Variants in DNAH11 observed in about 807,000 individuals in gnomAD.
DNAH11 encodes axonemal beta dynein heavy chain 11.
In DNAH11, 442 loss-of-function variants were observed where a neutral mutation model predicts 526.0. That is an observed-to-expected ratio of 0.84 (90% confidence interval 0.78 to 0.91). DNAH11 has a LOEUF of 0.91. Among genes scored for constraint, DNAH11 ranks in the 40% least tolerant of loss-of-function variants. The probability of loss-of-function intolerance (pLI) is 0.00; values close to 1 mark genes in which losing one functional copy is unlikely to be tolerated. For synonymous variants in DNAH11, 2,461 were observed against 1,935.9 expected (o/e 1.27, Z -7.12); for missense variants, 6,989 against 5,448.7 (o/e 1.28, Z -8.90).
At chr7:21,827,425 T>A (rs185306495) in intron 65 of DNAH11, among the ~76,000 whole-genome samples, 1,739 of 151,806 alleles carry the variant, frequency 0.011, 33 homozygotes, top group African/African-American at 0.038. Flanking sequence ...TTGAATTTTT[T>A]AAAATATTAT....
intron 52 of DNAH11, among the ~76,000 whole-genome samples, chr7:21,749,010 A>C (rs1786284462): frequency 6.6e-6 from 1 of 152,220 alleles, no homozygotes; most frequent in African/African-American, 2.4e-5. Flanking sequence ...ACTTGCTTAC[A>C]CAAATGTCTT....
chr7:21,633,088 G>A (rs375949239), intron 25 of DNAH11, among the ~76,000 whole-genome samples: 2 of 152,150 alleles, frequency 1.3e-5, no homozygotes, highest in South Asian at 2.1e-4. Flanking sequence ...CAGATCTTGC[G>A]AGACTTATTC....
rs141552348 is a variant in DNAH11, at chr7:21,755,514, A to G, written c.8940+5150A>G. Among the ~76,000 whole-genome samples, 439 of 152,274 alleles carry G rather than the reference A, an allele frequency of 2.9e-3. 1 individual carries two copies. The highest frequency in any genetic ancestry group is 9.9e-3 in the African/African-American group (410 of 41,570). On this transcript the variant is annotated intron_variant, in intron 54 of 81. Transcript: ENST00000409508. ...CCTCATTATCTTTCTAAGTATATAT[A>G]TATATAGTTATCCATTTCTGATAAT...
intron 22 of DNAH11, 157 bp downstream of exon 22, chr7:21,616,449 CACT>C: frequency 1.9e-6 from 1 of 539,270 alleles, no homozygotes; most frequent in Non-Finnish European, 3.2e-6. Flanking sequence ...TAGCCAGTTG[CACT>C]TCTAATCAAG....
rs577121484 is a variant in DNAH11 at position 21,615,034 on chromosome 7, C to T, written c.3853-80C>T. The stretch of plus-strand genomic sequence containing the variant: ...CGTTAAAAATCAAAGATTGAAATGT[C>T]GAGATAACCAGAGCTACAGAACTGC... On this transcript the variant is annotated intron_variant, in intron 20 of 81. Transcript: ENST00000409508. 62 of 1,372,140 alleles carry T rather than the reference C, an allele frequency of 4.5e-5. No homozygotes were observed. In the African/African-American group the frequency reaches 7.2e-4, roughly 16 times the overall value. The allele number at this position is 1,372,140 out of a possible 1,614,324, so 85.0% of individuals were successfully genotyped here. A position where few individuals can be genotyped will look rare whatever the true frequency, so the allele number is the denominator to read the frequency against.
chr7:21,799,579 G>A (rs1411408755), intron 61 of DNAH11, among the ~76,000 whole-genome samples: 1 of 151,800 alleles, frequency 6.6e-6, no homozygotes, highest in African/African-American at 2.4e-5. Context: ...CTCGTGATCT[G>A]CCTGCCTCAG....
At chr7:21,783,163 A>G (rs1267868328) in intron 57 of DNAH11, among the ~76,000 whole-genome samples, 2 of 152,120 alleles carry the variant, frequency 1.3e-5, no homozygotes, top group South Asian at 2.1e-4. Flanking sequence ...GAAAATTTTC[A>G]TGGTCCATTC....
At chr7:21,730,570 A>G (rs960963367) in intron 45 of DNAH11, among the ~76,000 whole-genome samples, 1 of 152,208 alleles carries the variant, frequency 6.6e-6, no homozygotes, top group African/African-American at 2.4e-5. Context: ...CCTGGAGGAC[A>G]TTAAGTAAAA....
intron 69 of DNAH11, 64 bp from the exon 70 acceptor site, chr7:21,864,471 T>G (rs2128032661): frequency 6.5e-7 from 1 of 1,550,360 alleles, no homozygotes; most frequent in East Asian, 2.3e-5. Flanking sequence ...AATGTGTGAC[T>G]ACTTCCTGTG....
At chr7:21,717,978 G>A in intron 43 of DNAH11, 53 bp downstream of exon 43, 1 of 1,551,808 alleles carries the variant, frequency 6.4e-7, no homozygotes. Context: ...GGTAGTGTTT[G>A]TTGATCAAGA....
At chr7:21,898,642 A>AG (rs2128051283) in intron 79 of DNAH11, among the ~76,000 whole-genome samples, 1 of 152,276 alleles carries the variant, frequency 6.6e-6, no homozygotes, top group East Asian at 1.9e-4. Flanking sequence ...TTTATCGAAG[A>AG]GGTTCATCTG....
intron 20 of DNAH11, 127 bp downstream of exon 20, chr7:21,606,860 C>A (rs1351946919): frequency 6.3e-6 from 5 of 793,080 alleles, no homozygotes; most frequent in Non-Finnish European, 9.9e-6. Context: ...ATTTAAAACC[C>A]AGTTATAAGC....
chr7:21,742,031 A>G lies in DNAH11; in HGVS notation c.8019A>G (p.Pro2673=), dbSNP rs762237613. 37 of 1,613,950 alleles carry G rather than the reference A, an allele frequency of 2.3e-5. 1 individual carries two copies. Among genetic ancestry groups the G allele is most frequent in the South Asian group, 2.2e-4 (20 of 91,074 alleles). The part of the protein sequence containing the change: ...SFHFQQQAFA[P]SILRSGPTLI... ...ATTTCCAACAGCAAGCATTTGCTCC[A>G]TCAATTCTCAGGAGTGGCCCCACTT... The change falls in exon 49 of 82, where the codon CCA becomes CCG. Residue 2673 remains proline, a synonymous_variant. Coordinates refer to ENST00000409508, the MANE Select transcript of DNAH11 (RefSeq NM_001277115.2).
intron 36 of DNAH11, among the ~76,000 whole-genome samples, chr7:21,700,191 C>T (rs1313887601): frequency 6.6e-6 from 1 of 152,168 alleles, no homozygotes; most frequent in East Asian, 1.9e-4. Context: ...GTCTAGGACA[C>T]ACCTGTAGCC....
intron 68 of DNAH11, among the ~76,000 whole-genome samples, chr7:21,854,954 G>A (rs1406513961): frequency 6.6e-6 from 1 of 151,554 alleles, no homozygotes; most frequent in Non-Finnish European, 1.5e-5. Context: ...ATAATTTTCA[G>A]TAAGGCTTTG....
intron 2 of DNAH11, among the ~76,000 whole-genome samples, chr7:21,551,323 G>C (rs1783014136): frequency 6.6e-6 from 1 of 152,150 alleles, no homozygotes; most frequent in African/African-American, 2.4e-5. Context: ...TTTCCTGTAG[G>C]TTCTATAGTG....
At chr7:21,824,367 A>G (rs1456346979) in intron 65 of DNAH11, among the ~76,000 whole-genome samples, 1 of 152,192 alleles carries the variant, frequency 6.6e-6, no homozygotes, top group African/African-American at 2.4e-5. Context: ...ACATATTGGA[A>G]TGATGTATCA....
Position 21,842,559 on chromosome 7 carries a change from A to G in DNAH11, c.10707A>G (p.Gly3569=). Residue 3569 remains glycine (G), a synonymous_variant, in exon 66 of 82, where the codon GGA becomes GGG. Transcript: ENST00000409508. ...CTCCGTTTAGGTATATCAGGATTGGAGATAAAGAATGTGAATTTAACAAGA... is the reference window on the plus strand; with the variant it reads ...CTCCGTTTAGGTATATCAGGATTGGGGATAAAGAATGTGAATTTAACAAGA... The part of the protein sequence containing the change: ...TIKKGKYIRI[G]DKECEFNKNF... 1 of 1,613,798 alleles carries G rather than the reference A, an allele frequency of 6.2e-7. No homozygotes were observed. Among genetic ancestry groups the G allele is most frequent in the Non-Finnish European group, 8.5e-7 (1 of 1,179,782 alleles).
At position 21,687,200 on chromosome 7, in the gene DNAH11, G is replaced by A. The variant is rs758756216; in HGVS notation, c.5723G>A (p.Arg1908His). ...ACAGAGACCACCAAAGACCTAGGAC[G>A]TGCCCTTGGCATGATGGTCTATGTA... ...GKTETTKDLGRALGMMVYVFN... is the reference protein window; with the variant it reads ...GKTETTKDLGHALGMMVYVFN... The change falls in exon 33 of 82, where the codon CGT (arginine) becomes CAT (histidine). Residue 1908 changes from arginine to histidine, a missense_variant. Transcript: ENST00000409508. 1.9e-5 allele frequency: 31 copies of A among 1,609,566 alleles called. No individual in the cohort carries two copies. The highest frequency in any genetic ancestry group is 2.7e-5 in the African/African-American group (2 of 74,778).
Sources: allele counts gnomAD v4.1 joint callset (sites outside exome capture counted in the v4.1 genomes callset), GRCh38; gene constraint gnomAD v4.1.1; transcripts MANE v1.5; gene names NCBI Gene and HGNC (gene_info 2026-07-23, HGNC 2026-07-21).